Variants in PDZRN3 observed in about 807,000 individuals in gnomAD.
PDZRN3 encodes PDZ domain containing ring finger 3, also known as E3 ubiquitin-protein ligase PDZRN3.
PDZRN3 carries 38 observed loss-of-function variants against 85.7 expected under a neutral mutation model. The observed-to-expected ratio is 0.44, with a 90% CI of 0.34 to 0.58. The LOEUF is 0.58. Among genes scored for constraint, PDZRN3 ranks in the 20% least tolerant of loss-of-function variants. The pLI, the probability that PDZRN3 is intolerant of heterozygous loss-of-function variation, is 0.01. For synonymous variants in PDZRN3, 759 were observed against 638.0 expected (o/e 1.19, Z -2.86); for missense variants, 1,629 against 1,506.4 (o/e 1.08, Z -1.35).
At chr3:73,598,915 G>T (rs1702471265) in intron 3 of PDZRN3, among the ~76,000 whole-genome samples, 1 of 152,170 alleles carries the variant, frequency 6.6e-6, no homozygotes, top group Non-Finnish European at 1.5e-5. Flanking sequence ...TCAGCAATCT[G>T]CAGGGGCATT....
At chr3:73,456,992 C>G (rs1279221460) in intron 3 of PDZRN3, among the ~76,000 whole-genome samples, 1 of 151,672 alleles carries the variant, frequency 6.6e-6, no homozygotes, top group East Asian at 1.9e-4. Context: ...ATGTATGTAT[C>G]CTGTTGGTAT....
In PDZRN3 at chr3:73,459,222, C is replaced by T. The variant is rs113293261; in HGVS notation, c.919-54827G>A. On this transcript the variant is annotated intron_variant, in intron 3 of 9. Transcript: ENST00000263666. ...AAGAACAGTACTGGGGAAACCACCC[C>T]CATAATAATTCAGTCAGCTCCCACC... Among the ~76,000 whole-genome samples, 1,308 of 152,146 alleles carry T rather than the reference C, an allele frequency of 8.6e-3. 7 individuals carry two copies. Among genetic ancestry groups the T allele is most frequent in the Non-Finnish European group, 0.014 (949 of 67,998 alleles).
chr3:73,599,609 T>C (rs1178145336), intron 3 of PDZRN3, among the ~76,000 whole-genome samples: 3 of 152,274 alleles, frequency 2.0e-5, no homozygotes, highest in Non-Finnish European at 4.4e-5. Flanking sequence ...ATGTATGTCT[T>C]GCCATATATA....
rs1207970638 is a variant in PDZRN3 at position 73,382,551 on chromosome 3, G to A, written c.*814C>T. 2 of 152,568 alleles carry A rather than the reference G, an allele frequency of 1.3e-5. No homozygotes were observed. The highest frequency in any genetic ancestry group is 4.2e-4 in the South Asian group (2 of 4,816). 9.5% of individuals were successfully genotyped at this position (152,568 alleles called of 1,614,324 possible). Reference sequence around the variant, plus strand: ...CATTTTACTGTTTGTAACTAATCATGATTTTGTGAACTTGCCTGTATAAGT... The same window carrying A: ...CATTTTACTGTTTGTAACTAATCATAATTTTGTGAACTTGCCTGTATAAGT... On this transcript the variant is annotated 3_prime_UTR_variant, in exon 10 of 10. Transcript: ENST00000263666.
intron 3 of PDZRN3, among the ~76,000 whole-genome samples, chr3:73,570,948 G>A (rs1702036668): frequency 6.6e-6 from 1 of 152,116 alleles, no homozygotes; most frequent in African/African-American, 2.4e-5. Context: ...CTGGCTGTGG[G>A]CAGAAGAAAA....
At chr3:73,608,107 G>A (rs2106904349) in intron 2 of PDZRN3, among the ~76,000 whole-genome samples, 1 of 152,248 alleles carries the variant, frequency 6.6e-6, no homozygotes, top group African/African-American at 2.4e-5. Flanking sequence ...TGATGAATGT[G>A]GTGGTCAAAG....
rs925943658 is a variant in PDZRN3, at chr3:73,538,035, CTT to C, written c.918+64317_918+64318del. Among the ~76,000 whole-genome samples the C allele has an allele frequency of 1.2e-4, 18 of 152,166 alleles. 1 individual carries two copies. Among genetic ancestry groups the C allele is most frequent in the African/African-American group, 4.3e-4 (18 of 41,436 alleles). On this transcript the variant is annotated intron_variant, in intron 3 of 9. Coordinates refer to ENST00000263666, the MANE Select transcript of PDZRN3 (RefSeq NM_015009.3). The stretch of plus-strand genomic sequence containing the variant: ...CAGGGATTTCTGGACCAAAATGACT[CTT>C]TATGCTTTGTCACATCTTGAGTGAG...
chr3:73,490,799 TG>T (rs1703755434), intron 3 of PDZRN3, among the ~76,000 whole-genome samples: 1 of 152,204 alleles, frequency 6.6e-6, no homozygotes, highest in Admixed American at 6.5e-5. Context: ...ATGCAGGCAG[TG>T]GCTACCGCTC....
chr3:73,384,117 C>A lies in PDZRN3; in HGVS notation c.2449G>T (p.Val817Leu). ...NLLSITEDPE[V>L]GTPTYSPSLK... ...GACGGGCTATAGGTAGGGGTGCCCACTTCGGGATCTTCCGTGATGGAGAGC... is the reference window on the plus strand; with the variant it reads ...GACGGGCTATAGGTAGGGGTGCCCAATTCGGGATCTTCCGTGATGGAGAGC... The change falls in exon 10 of 10, where the codon GTG (valine) becomes TTG (leucine). Residue 817 changes from valine (V) to leucine (L), a missense_variant. Coordinates refer to ENST00000263666, the MANE Select transcript of PDZRN3 (RefSeq NM_015009.3). 2 of 1,614,090 alleles carry A rather than the reference C, an allele frequency of 1.2e-6. No individual in the cohort carries two copies.
chr3:73,565,793 ACACACACACACACACACACACACACACAC>A (rs1701936683), intron 3 of PDZRN3, among the ~76,000 whole-genome samples: 1 of 145,066 alleles, frequency 6.9e-6, no homozygotes, highest in South Asian at 2.2e-4. Context: ...CAAAACACAC[ACACACACACACACACACACACACACACAC>A]ACACACACAC....
intron 3 of PDZRN3, among the ~76,000 whole-genome samples, chr3:73,455,035 T>C: frequency 6.6e-6 from 1 of 152,146 alleles, no homozygotes; most frequent in East Asian, 1.9e-4. Flanking sequence ...TGTTTATGAG[T>C]ACAATATTTC....
intron 3 of PDZRN3, among the ~76,000 whole-genome samples, chr3:73,420,601 G>A (rs1450385465): frequency 2.0e-5 from 3 of 152,106 alleles, no homozygotes; most frequent in Non-Finnish European, 4.4e-5. Flanking sequence ...AATGATCTCT[G>A]AAGATGTCCA....
At chr3:73,491,867 T>C (rs925490997) in intron 3 of PDZRN3, among the ~76,000 whole-genome samples, 23 of 152,126 alleles carry the variant, frequency 1.5e-4, no homozygotes, top group African/African-American at 5.1e-4. Context: ...TTCCAAAGCA[T>C]TGGGATTACA....
chr3:73,402,475 G>A (rs909166836), intron 4 of PDZRN3: 3 of 152,240 alleles, frequency 2.0e-5, no homozygotes, highest in African/African-American at 7.2e-5. Flanking sequence ...GGAACCTGGT[G>A]AGTCTGCAGT....
intron 3 of PDZRN3, among the ~76,000 whole-genome samples, chr3:73,534,689 G>C (rs1218285903): frequency 6.6e-6 from 1 of 152,150 alleles, no homozygotes; most frequent in Non-Finnish European, 1.5e-5. Flanking sequence ...TTAAGCTCTT[G>C]TTCTGCTCCA....
chr3:73,383,780 C>T lies in PDZRN3; in HGVS notation c.2786G>A (p.Gly929Glu). Residue 929 changes from glycine (G) to glutamate (E), a missense_variant, in exon 10 of 10, where the codon GGG becomes GAG. By Grantham distance (98) the Gly-to-Glu change is moderately conservative. Transcript: ENST00000263666. ...MEWKVKIRSD[G>E]TRYITKRPVR... ...GGGCCTCTTGGTGATGTAGCGCGTC[C>T]CGTCGCTGCGGATCTTCACCTTCCA... 1 of 1,613,398 alleles carries T rather than the reference C, an allele frequency of 6.2e-7. No individual in the cohort carries two copies. Among genetic ancestry groups the T allele is most frequent in the Non-Finnish European group, 8.5e-7 (1 of 1,179,992 alleles).
chr3:73,437,615 T>C lies in PDZRN3; in HGVS notation c.919-33220A>G, dbSNP rs564623184. 3.9e-5 allele frequency among the ~76,000 whole-genome samples: 6 copies of C among 152,258 alleles called. 1 individual carries two copies. The South Asian group carries it at 1.0e-3, about 26-fold the overall frequency. On this transcript the variant is annotated intron_variant, in intron 3 of 9. Transcript: ENST00000263666. The stretch of plus-strand genomic sequence containing the variant: ...AGGATACTAATACAAATTCGACTCA[T>C]GGTTGAGTTTCCATTCTTGTGATTA...
intron 3 of PDZRN3, among the ~76,000 whole-genome samples, chr3:73,437,893 G>A (rs1384199363): frequency 6.6e-6 from 1 of 152,174 alleles, no homozygotes; most frequent in African/African-American, 2.4e-5. Flanking sequence ...CATCCCAGAG[G>A]CAGTGTAAGG....
intron 3 of PDZRN3, among the ~76,000 whole-genome samples, chr3:73,495,973 C>A (rs1703858562): frequency 6.6e-6 from 1 of 151,840 alleles, no homozygotes; most frequent in African/African-American, 2.4e-5. Context: ...CCCATCCCCC[C>A]TGCCAAGATT....
Sources: allele counts gnomAD v4.1 joint callset (sites outside exome capture counted in the v4.1 genomes callset), GRCh38; gene constraint gnomAD v4.1.1; transcripts MANE v1.5; gene names NCBI Gene and HGNC (gene_info 2026-07-23, HGNC 2026-07-21).